The following NLGN1 variants were observed in gnomAD, a reference collection of about 807,000 sequenced individuals.
NLGN1 encodes the protein neuroligin-1.
In NLGN1, 12 loss-of-function variants were observed where a neutral mutation model predicts 65.5. The ratio of observed to expected loss-of-function variants is 0.18; its 90% CI spans 0.12 to 0.30. NLGN1 has a LOEUF of 0.30. NLGN1 is among the 10% of genes least tolerant of loss of function. The pLI is 1.00. For missense variants in NLGN1, 750 were observed against 1,007.1 expected (o/e 0.74, Z 3.46); for synonymous variants, 350 against 359.5 (o/e 0.97, Z 0.30).
intron 4 of NLGN1, among the ~76,000 whole-genome samples, chr3:174,181,842 G>A (rs994517856): frequency 2.0e-5 from 3 of 146,742 alleles, no homozygotes; most frequent in Non-Finnish European, 4.5e-5. Context: ...CCAGCATGGC[G>A]GCATGTGCCT....
chr3:174,143,850 A>C (rs1722720413), intron 4 of NLGN1, among the ~76,000 whole-genome samples: 1 of 152,184 alleles, frequency 6.6e-6, no homozygotes, highest in African/African-American at 2.4e-5. Flanking sequence ...TGCTTGATTA[A>C]TTAGTGTACC....
At chr3:173,663,858 A>AG (rs1761310894) in intron 3 of NLGN1, among the ~76,000 whole-genome samples, 1 of 146,294 alleles carries the variant, frequency 6.8e-6, no homozygotes, top group Non-Finnish European at 1.5e-5. Context: ...AATCACTGCT[A>AG]CTTTTTTTTT....
intron 4 of NLGN1, among the ~76,000 whole-genome samples, chr3:173,976,781 A>G (rs1036177019): frequency 2.0e-5 from 3 of 152,044 alleles, no homozygotes; most frequent in South Asian, 2.1e-4. Flanking sequence ...CCTCATGCAC[A>G]CATTGGCAGT....
At chr3:174,235,899 G>T (rs1401934191) in intron 4 of NLGN1, among the ~76,000 whole-genome samples, 2 of 148,964 alleles carry the variant, frequency 1.3e-5, no homozygotes. Context: ...TTCCCCTCAC[G>T]CTTCTTTATT....
intron 3 of NLGN1, among the ~76,000 whole-genome samples, chr3:173,687,646 A>C (rs755898973): frequency 2.6e-5 from 4 of 152,222 alleles, no homozygotes; most frequent in Non-Finnish European, 4.4e-5. Flanking sequence ...TTAAATATTG[A>C]TATGTGAAAA....
chr3:173,489,409 T>G (rs1324393277), intron 2 of NLGN1, among the ~76,000 whole-genome samples: 1 of 152,238 alleles, frequency 6.6e-6, no homozygotes, highest in Non-Finnish European at 1.5e-5. Flanking sequence ...ACAAAGGCCA[T>G]GAACTCATCA....
At chr3:174,251,323 G>T (rs898771913) in intron 4 of NLGN1, among the ~76,000 whole-genome samples, 1 of 152,154 alleles carries the variant, frequency 6.6e-6, no homozygotes, top group Non-Finnish European at 1.5e-5. Context: ...GCCTGTTTAC[G>T]TTCAAATCTA....
At chr3:174,268,851 A>G (rs768604865) in intron 4 of NLGN1, among the ~76,000 whole-genome samples, 24 of 152,130 alleles carry the variant, frequency 1.6e-4, no homozygotes, top group Non-Finnish European at 3.1e-4. Flanking sequence ...AAGTCATTAA[A>G]GAGCAAATTG....
At chr3:173,744,830 A>T (rs898784992) in intron 3 of NLGN1, among the ~76,000 whole-genome samples, 20 of 148,216 alleles carry the variant, frequency 1.3e-4, no homozygotes, top group Admixed American at 2.7e-4. Context: ...TTATTTATTT[A>T]TTTTTTTTTT....
chr3:174,160,403 T>C (rs1389327511), intron 4 of NLGN1, among the ~76,000 whole-genome samples: 1 of 151,732 alleles, frequency 6.6e-6, no homozygotes, highest in African/African-American at 2.4e-5. Flanking sequence ...TAGTAATGAA[T>C]AACTTAAACT....
intron 4 of NLGN1, among the ~76,000 whole-genome samples, chr3:173,906,338 T>A (rs1437369790): frequency 6.6e-6 from 1 of 152,206 alleles, no homozygotes; most frequent in Non-Finnish European, 1.5e-5. Context: ...TGAAATCTGA[T>A]CTCTTCTACT....
At chr3:174,258,605 A>G (rs961094982) in intron 4 of NLGN1, among the ~76,000 whole-genome samples, 1 of 152,196 alleles carries the variant, frequency 6.6e-6, no homozygotes, top group Non-Finnish European at 1.5e-5. Context: ...GTTGCAGTGC[A>G]TGGAGATGAT....
At chr3:174,270,204 CT>C (rs1749139915) in intron 4 of NLGN1, among the ~76,000 whole-genome samples, 1 of 94,844 alleles carries the variant, frequency 1.1e-5, no homozygotes, top group Non-Finnish European at 2.1e-5. Context: ...TTTTCCTGTG[CT>C]TTTGGTTTAA....
intron 4 of NLGN1, among the ~76,000 whole-genome samples, chr3:174,242,763 G>A (rs1743129451): frequency 6.6e-6 from 1 of 152,062 alleles, no homozygotes; most frequent in African/African-American, 2.4e-5. Flanking sequence ...AATAAAGTGC[G>A]TAATAAATGC....
At chr3:173,651,604 C>T (rs1422178954) in intron 3 of NLGN1, among the ~76,000 whole-genome samples, 2 of 152,198 alleles carry the variant, frequency 1.3e-5, no homozygotes, top group East Asian at 3.9e-4. Context: ...TTCTTTTTCT[C>T]TGCATCCTCA....
rs79981891 is a variant in NLGN1 at position 174,255,107 on chromosome 3, G to A, written c.647-20208G>A. Among the ~76,000 whole-genome samples the A allele has an allele frequency of 6.1e-3, 903 of 148,018 alleles. 23 individuals are homozygous for A. The highest frequency in any genetic ancestry group is 0.029 in the East Asian group (149 of 5,170). On this transcript the variant is annotated intron_variant, in intron 4 of 6. Transcript: ENST00000457714. ...AAACTGGGTGTTTAGAGGAAGGTAG[G>A]ATAGCTATGTTTGAAGTACTCCCAA...
chr3:174,123,991 G>C (rs1718323124), intron 4 of NLGN1, among the ~76,000 whole-genome samples: 1 of 151,980 alleles, frequency 6.6e-6, no homozygotes, highest in South Asian at 2.1e-4. Flanking sequence ...CTAGAGGTAG[G>C]GTCTTTAGGA....
intron 3 of NLGN1, among the ~76,000 whole-genome samples, chr3:173,790,363 A>G (rs1338594218): frequency 6.6e-6 from 1 of 152,110 alleles, no homozygotes; most frequent in Admixed American, 6.6e-5. Context: ...GATAGAGGAT[A>G]TTGGACAAAT....
intron 4 of NLGN1, among the ~76,000 whole-genome samples, chr3:173,861,009 GAA>G (rs1728954945): frequency 6.6e-6 from 1 of 152,076 alleles, no homozygotes; most frequent in Non-Finnish European, 1.5e-5. Flanking sequence ...CTTTTAGTGA[GAA>G]AAGTTTTTAT....
Sources: gnomAD v4.1 joint callset for allele counts (sites outside exome capture counted in the v4.1 genomes callset) on GRCh38, gnomAD v4.1.1 for gene constraint, MANE v1.5 for transcripts, NCBI Gene and HGNC (gene_info 2026-07-23, HGNC 2026-07-21) for gene names.